The following NOL4 variants were observed in gnomAD, a reference collection of about 807,000 sequenced individuals.
NOL4 encodes the protein cancer/testis antigen 125.
In NOL4, 17 loss-of-function variants were observed where a neutral mutation model predicts 75.9. The observed-to-expected ratio is 0.22, with a 90% CI of 0.15 to 0.34. NOL4 has a LOEUF of 0.34. Ranked by LOEUF, NOL4 falls within the 10% of genes least tolerant of loss-of-function variation. The pLI is 1.00. For synonymous variants in NOL4, 292 were observed against 289.9 expected, an observed-to-expected ratio of 1.01 and a Z score of -0.07; for missense variants, 614 against 793.5, an observed-to-expected ratio of 0.77 and a Z score of 2.72.
rs368502519 is a variant in NOL4, at chr18:33,852,860, G to C, written c.1899C>G (p.Leu633=). 1.9e-6 allele frequency: 3 copies of C among 1,612,246 alleles called. No homozygotes were observed. Among genetic ancestry groups the C allele is most frequent in the Non-Finnish European group, 2.5e-6 (3 of 1,179,092 alleles). ...GTCTGTCTCAGTTCTGTTGTAAAAT[G>C]AGATTTTCCAGTTCATCTGCAGATC... ...LLRSADELEN[L]ILQQN is the part of the protein sequence containing the mutation. The change falls in exon 11 of 11, where the codon CTC becomes CTG. Residue 633 remains leucine (L), a synonymous_variant. Transcript: ENST00000261592.
At chr18:34,074,233 TTAA>T (rs773733970) in intron 5 of NOL4, among the ~76,000 whole-genome samples, 54 of 151,898 alleles carry the variant, frequency 3.6e-4, no homozygotes, top group Non-Finnish European at 5.8e-4. Context: ...ATATTACATA[TTAA>T]TATCTGAGAT....
chr18:34,148,111 T>G (rs1248806749), intron 1 of NOL4, among the ~76,000 whole-genome samples: 1 of 152,048 alleles, frequency 6.6e-6, no homozygotes, highest in African/African-American at 2.4e-5. Flanking sequence ...TCTATTTTCT[T>G]GTTTGTCTGG....
chr18:34,222,829 G>T, intron 1 of NOL4, 161 bp downstream of exon 1: 1 of 880,858 alleles, frequency 1.1e-6, no homozygotes, highest in Non-Finnish European at 1.7e-6. Flanking sequence ...AACGCGCCTG[G>T]CTAATGCGAG....
intron 6 of NOL4, among the ~76,000 whole-genome samples, chr18:33,995,638 C>T (rs562805332): frequency 4.6e-5 from 7 of 151,588 alleles, no homozygotes; most frequent in Non-Finnish European, 8.9e-5. Flanking sequence ...TCTATTGGGT[C>T]ACATCAAAGT....
intron 9 of NOL4, among the ~76,000 whole-genome samples, chr18:33,898,455 C>T (rs565428108): frequency 6.6e-6 from 1 of 152,268 alleles, no homozygotes; most frequent in East Asian, 1.9e-4. Flanking sequence ...CTTCCTTCCA[C>T]ATAGCCCTTG....
chr18:34,185,445 G>A (rs2034384264), intron 1 of NOL4, among the ~76,000 whole-genome samples: 1 of 152,090 alleles, frequency 6.6e-6, no homozygotes, highest in African/African-American at 2.4e-5. Flanking sequence ...TGAGCTCAGA[G>A]AAACTGAATT....
chr18:34,075,483 CAT>C (rs2077704552), intron 5 of NOL4, among the ~76,000 whole-genome samples: 1 of 152,104 alleles, frequency 6.6e-6, no homozygotes, highest in African/African-American at 2.4e-5. Flanking sequence ...TGATTTGTCA[CAT>C]GAGGTCAGGT....
chr18:34,015,558 C>T (rs1006705956), intron 6 of NOL4, among the ~76,000 whole-genome samples: 18 of 151,884 alleles, frequency 1.2e-4, no homozygotes, highest in African/African-American at 4.1e-4. Flanking sequence ...TCACTTGTTC[C>T]TAATGGATTG....
intron 10 of NOL4, among the ~76,000 whole-genome samples, chr18:33,873,867 T>C (rs1165136945): frequency 6.6e-6 from 1 of 151,838 alleles, no homozygotes; most frequent in Non-Finnish European, 1.5e-5. Context: ...TGGGAACATA[T>C]TGGAAGAAAA....
intron 1 of NOL4, among the ~76,000 whole-genome samples, chr18:34,173,477 TA>T (rs1282316416): frequency 6.6e-6 from 1 of 152,160 alleles, no homozygotes; most frequent in African/African-American, 2.4e-5. Context: ...TTACACAATG[TA>T]TATGTGTATA....
intron 1 of NOL4, among the ~76,000 whole-genome samples, chr18:34,167,196 T>A (rs1289755727): frequency 6.6e-6 from 1 of 151,908 alleles, no homozygotes; most frequent in Non-Finnish European, 1.5e-5. Context: ...ATAGGTTATA[T>A]GCAAATACTA....
At chr18:34,131,037 AACACACACATACACATACAC>A (rs1568376380) in intron 1 of NOL4, among the ~76,000 whole-genome samples, 4 of 149,112 alleles carry the variant, frequency 2.7e-5, no homozygotes, top group African/African-American at 2.5e-5. Context: ...CCTGCTTGCA[AACACACACATACACATACAC>A]ACACACACAT....
chr18:33,944,001 A>G (rs1191932219), intron 8 of NOL4, among the ~76,000 whole-genome samples: 2 of 151,432 alleles, frequency 1.3e-5, no homozygotes, highest in African/African-American at 4.8e-5. Flanking sequence ...AAAGTCATCC[A>G]ACTGAAAGAT....
intron 10 of NOL4, among the ~76,000 whole-genome samples, chr18:33,869,416 G>A (rs903460412): frequency 6.6e-6 from 1 of 151,878 alleles, no homozygotes; most frequent in African/African-American, 2.4e-5. Context: ...ATGAAATTGG[G>A]GTGGGTAGAT....
rs1035973072 is a variant in NOL4 at position 33,860,633 on chromosome 18, C to T, written c.1724-7598G>A. Among the ~76,000 whole-genome samples the T allele has an allele frequency of 4.7e-4, 72 of 151,966 alleles. 1 individual carries two copies. The highest frequency in any genetic ancestry group is 2.9e-5 in the Non-Finnish European group (2 of 68,006). On this transcript the variant is annotated intron_variant, in intron 10 of 10. Coordinates refer to ENST00000261592, the MANE Select transcript of NOL4 (RefSeq NM_003787.5). ...AATTGAATACCCTTTATTTCCTTCT[C>T]CTGCCTAATTGCCCTGGCCAGAACT...
chr18:34,102,559 A>G (rs541617157), intron 4 of NOL4, among the ~76,000 whole-genome samples: 4 of 152,008 alleles, frequency 2.6e-5, no homozygotes, highest in Non-Finnish European at 5.9e-5. Context: ...TATTTTTCTA[A>G]TCTAGTTATA....
At position 34,147,516 on chromosome 18, in the gene NOL4, G is replaced by A. The variant is rs571843549; in HGVS notation, c.265-17496C>T. Among the ~76,000 whole-genome samples, 7 of 152,034 alleles carry A rather than the reference G, an allele frequency of 4.6e-5. No homozygotes were observed. In the East Asian group the frequency reaches 5.8e-4, roughly 13 times the overall value. ...TGGTTCTGTTTATGTGATGGATTAC[G>A]TTTATTGATTTGCGTATGTTGAACC... On this transcript the variant is annotated intron_variant, in intron 1 of 10. Coordinates refer to ENST00000261592, the MANE Select transcript of NOL4 (RefSeq NM_003787.5).
At chr18:34,048,538 G>A (rs183954220) in intron 5 of NOL4, 56 of 985,336 alleles carry the variant, frequency 5.7e-5, no homozygotes, top group Middle Eastern at 5.2e-4. Context: ...CCTTTCTCTC[G>A]AAGTGCACCC....
intron 9 of NOL4, among the ~76,000 whole-genome samples, chr18:33,934,073 TCTC>T (rs2067887479): frequency 6.6e-6 from 1 of 152,202 alleles, no homozygotes; most frequent in East Asian, 1.9e-4. Flanking sequence ...ACAACATTAA[TCTC>T]CTTGCACATC....
Sources: allele counts gnomAD v4.1 joint callset (sites outside exome capture counted in the v4.1 genomes callset), GRCh38; gene constraint gnomAD v4.1.1; transcripts MANE v1.5; gene names NCBI Gene and HGNC (gene_info 2026-07-23, HGNC 2026-07-21).